The following INSL6 variants were observed in gnomAD, a reference collection of about 807,000 sequenced individuals.
INSL6 encodes the protein insulin-like peptide INSL6.
A neutral mutation model predicts 9.4 loss-of-function variants in INSL6; 16 were observed. That is an observed-to-expected ratio of 1.70 (90% confidence interval 1.15 to 2.59). The LOEUF (loss-of-function observed/expected upper bound fraction) is 2.59. Ranked by LOEUF, INSL6 falls within the 30% of genes most tolerant of loss-of-function variation. The probability of loss-of-function intolerance (pLI) is 0.00; values close to 1 mark genes in which losing one functional copy is unlikely to be tolerated. For missense variants in INSL6, 391 were observed against 257.3 expected (o/e 1.52, Z -3.56); for synonymous variants, 154 against 96.9 (o/e 1.59, Z -3.46).
the INSL6 span, among the ~76,000 whole-genome samples, chr9:5,046,996 GATTTCAGAATACTCA>G: frequency 6.6e-6 from 1 of 151,970 alleles, no homozygotes; most frequent in Admixed American, 6.6e-5. Flanking sequence ...AATTTTGGGT[GATTTCAGAATACTCA>G]ATTTTATCCT....
downstream of INSL6, among the ~76,000 whole-genome samples, chr9:5,158,935 A>G (rs1824869276): frequency 6.6e-6 from 1 of 152,162 alleles, no homozygotes; most frequent in Admixed American, 6.5e-5. Flanking sequence ...GACTACAAGA[A>G]CTTTTCAAGA....
chr9:5,115,370 C>T, the INSL6 span, among the ~76,000 whole-genome samples: 1 of 152,182 alleles, frequency 6.6e-6, no homozygotes, highest in Non-Finnish European at 1.5e-5. Context: ...GGTACCATCT[C>T]ATGCCAGTTA....
rs59479266 is a variant in INSL6, at chr9:5,150,846, G to GACACACAC, written c.376+13325_376+13332dup. Reference sequence around the variant, plus strand: ...CATCAACAGATGACTGGATAAAGGAGACACACACACACACACACACACACA... The same window carrying GACACACAC: ...CATCAACAGATGACTGGATAAAGGAGACACACACACACACACACACACACACACACACA... On this transcript the variant is annotated intron_variant, in intron 2 of 3. Coordinates refer to the INSL6 transcript ENST00000649639. 6.3e-3 allele frequency among the ~76,000 whole-genome samples: 916 copies of GACACACAC among 146,384 alleles called. 13 individuals carry two copies. The highest frequency in any genetic ancestry group is 0.021 in the African/African-American group (821 of 39,848).
chr9:5,032,718 A>T, the INSL6 span, among the ~76,000 whole-genome samples: 189 of 152,336 alleles, frequency 1.2e-3, 1 homozygote, highest in African/African-American at 4.1e-3. Context: ...ACAAACAGAA[A>T]TGACATCCAC....
chr9:5,094,775 G>A, the INSL6 span: 1 of 151,994 alleles, frequency 6.6e-6, no homozygotes, highest in Non-Finnish European at 1.5e-5. Context: ...TTGTATAAAT[G>A]CCCTGACTAC....
chr9:5,019,217 C>A, the INSL6 span, among the ~76,000 whole-genome samples: 1 of 151,940 alleles, frequency 6.6e-6, no homozygotes, highest in South Asian at 2.1e-4. Flanking sequence ...TTATGGTATC[C>A]CATATGTCAT....
At chr9:5,156,563 CAG>C (rs771291078) in intron 2 of INSL6, among the ~76,000 whole-genome samples, 1 of 151,988 alleles carries the variant, frequency 6.6e-6, no homozygotes, top group African/African-American at 2.4e-5. Flanking sequence ...TCTCAGCAAA[CAG>C]AATATAAAAG....
chr9:5,076,356 ATTG>A, the INSL6 span, among the ~76,000 whole-genome samples: 1 of 152,102 alleles, frequency 6.6e-6, no homozygotes, highest in South Asian at 2.1e-4. Flanking sequence ...AGTGAATTTC[ATTG>A]TTGTCTTATT....
At chr9:5,001,729 A>G in the INSL6 span, among the ~76,000 whole-genome samples, 2 of 151,798 alleles carry the variant, frequency 1.3e-5, no homozygotes, top group South Asian at 4.1e-4. Context: ...TGTTTTCTGT[A>G]AGAGTTTATA....
chr9:5,165,217 CA>C (rs976201323), intron 1 of INSL6, among the ~76,000 whole-genome samples: 2 of 150,534 alleles, frequency 1.3e-5, no homozygotes, highest in Admixed American at 6.6e-5. Context: ...TCTCAAAAAA[CA>C]AAAAAAAAGA....
chr9:5,065,027 C>T, the INSL6 span: 1 of 1,587,498 alleles, frequency 6.3e-7, no homozygotes, highest in East Asian at 2.3e-5. Context: ...AAGCAACTGT[C>T]ATGGCCCAAT....
At chr9:5,147,618 G>T (rs1824626007) in intron 2 of INSL6, among the ~76,000 whole-genome samples, 1 of 152,102 alleles carries the variant, frequency 6.6e-6, no homozygotes, top group Admixed American at 6.5e-5. Flanking sequence ...TAATGAGACT[G>T]GGGAAATTTG....
chr9:5,100,163 A>G, the INSL6 span: 1 of 152,238 alleles, frequency 6.6e-6, no homozygotes, highest in East Asian at 1.9e-4. Flanking sequence ...ACTATTCTCA[A>G]ATTCGCCATA....
At chr9:5,163,385 G>A (rs1824968593), downstream of INSL6, among the ~76,000 whole-genome samples, 1 of 152,152 alleles carries the variant, frequency 6.6e-6, no homozygotes, top group Admixed American at 6.6e-5. Context: ...TCTCTTTTAA[G>A]TTCTCAGTAG....
At position 5,147,541 on chromosome 9, in the gene INSL6, G is replaced by C. The variant is rs562866697; in HGVS notation, c.377-13949C>G. 3.3e-4 allele frequency among the ~76,000 whole-genome samples: 50 copies of C among 152,312 alleles called. 1 individual carries two copies. The highest frequency in any genetic ancestry group is 3.0e-3 in the Admixed American group (46 of 15,300). On this transcript the variant is annotated intron_variant, in intron 2 of 3. Coordinates refer to the INSL6 transcript ENST00000649639. ...CCAGGCCTGGAAGACTGCCTGGTAA[G>C]GAGATTTCGGAATGGGGTTTCTTGC...
intron 3 of INSL6, among the ~76,000 whole-genome samples, chr9:5,132,384 C>CT (rs1824308452): frequency 6.6e-6 from 1 of 152,074 alleles, no homozygotes; most frequent in South Asian, 2.1e-4. Context: ...TTTAATTTCT[C>CT]TTATTTTAAA....
At chr9:5,145,003 T>A (rs1188508625) in intron 2 of INSL6, among the ~76,000 whole-genome samples, 1 of 152,224 alleles carries the variant, frequency 6.6e-6, no homozygotes, top group Non-Finnish European at 1.5e-5. Flanking sequence ...GATCCTGTCA[T>A]TATAATGCTG....
the INSL6 span, chr9:5,041,744 C>T: frequency 2.0e-6 from 1 of 492,546 alleles, no homozygotes; most frequent in South Asian, 1.5e-5. Flanking sequence ...TGGCGACCCC[C>T]ATCAGCAGTG....
chr9:5,114,620 C>A, the INSL6 span: 2 of 485,700 alleles, frequency 4.1e-6, no homozygotes, highest in South Asian at 3.1e-5. Flanking sequence ...AGGTGCAGCT[C>A]CCGGACACTT....
Sources: allele counts gnomAD v4.1 joint callset (sites outside exome capture counted in the v4.1 genomes callset), GRCh38; gene constraint gnomAD v4.1.1; transcripts MANE v1.5; gene names NCBI Gene and HGNC (gene_info 2026-07-23, HGNC 2026-07-21).